The following PCDH15 variants were observed in gnomAD, a reference collection of about 807,000 sequenced individuals.
PCDH15 encodes protocadherin related 15, also known as protocadherin-15.
Under a neutral mutation model 178.5 loss-of-function variants are expected in PCDH15, and 129 were observed. That is an observed-to-expected ratio of 0.72 (90% CI 0.63 to 0.84). PCDH15 has a LOEUF of 0.84. Among genes scored for constraint, PCDH15 ranks in the 40% least tolerant of loss-of-function variants. PCDH15 has a pLI of 0.00. For missense variants in PCDH15, 2,230 were observed against 2,099.9 expected (o/e 1.06, Z -1.21); for synonymous variants, 800 against 732.0 (o/e 1.09, Z -1.50).
chr10:55,524,110 C>G (rs1272982773), intron 2 of PCDH15, among the ~76,000 whole-genome samples: 1 of 151,084 alleles, frequency 6.6e-6, no homozygotes, highest in Non-Finnish European at 1.5e-5. Flanking sequence ...TAATTCAAAG[C>G]TACTTTCTTA....
intron 3 of PCDH15, among the ~76,000 whole-genome samples, chr10:54,871,677 T>A (rs1305260746): frequency 6.6e-6 from 1 of 152,058 alleles, no homozygotes; most frequent in East Asian, 1.9e-4. Flanking sequence ...AGGTTGATTT[T>A]TAATAAAAAA....
At chr10:54,482,224 T>C (rs2136941773) in intron 3 of PCDH15, among the ~76,000 whole-genome samples, 1 of 151,980 alleles carries the variant, frequency 6.6e-6, no homozygotes, top group East Asian at 1.9e-4. Context: ...TGGTTGGAAA[T>C]CTATGCAGTT....
At chr10:54,671,814 T>A (rs1226576814) in intron 1 of PCDH15, among the ~76,000 whole-genome samples, 1 of 152,104 alleles carries the variant, frequency 6.6e-6, no homozygotes, top group Non-Finnish European at 1.5e-5. Context: ...AAGTAGCTCA[T>A]AATGAATCAA....
intron 8 of PCDH15, among the ~76,000 whole-genome samples, chr10:54,274,588 C>T (rs116806388): frequency 0.011 from 1,582 of 148,656 alleles, 28 homozygotes; most frequent in African/African-American, 0.037. Flanking sequence ...GTATAAATGC[C>T]TTTGATTCGA....
intron 1 of PCDH15, among the ~76,000 whole-genome samples, chr10:54,704,876 GTATGTT>G (rs2095350324): frequency 1.3e-5 from 2 of 152,096 alleles, no homozygotes; most frequent in Non-Finnish European, 2.9e-5. Flanking sequence ...ACATGCATGA[GTATGTT>G]CATTGTAGCA....
chr10:54,622,576 TATATATAATATATATA>T (rs1179795886), intron 2 of PCDH15, among the ~76,000 whole-genome samples: 12 of 102,596 alleles, frequency 1.2e-4, no homozygotes, highest in Middle Eastern at 4.1e-3. Flanking sequence ...TGTGTATATA[TATATATAATATATATA>T]ATATATAATA....
At chr10:54,043,802 AC>A (rs764579375) in intron 18 of PCDH15, among the ~76,000 whole-genome samples, 13 of 152,118 alleles carry the variant, frequency 8.5e-5, no homozygotes, top group Non-Finnish European at 1.8e-4. Context: ...CTTCAAAAAA[AC>A]ATACTGATTC....
intron 28 of PCDH15, among the ~76,000 whole-genome samples, chr10:53,851,671 AATATATATAT>A (rs71004485): frequency 0.01 from 1,094 of 104,358 alleles, 8 homozygotes; most frequent in African/African-American, 0.012. Flanking sequence ...TCCTCCTAGA[AATATATATAT>A]ATATATATAT....
intron 2 of PCDH15, among the ~76,000 whole-genome samples, chr10:55,358,400 A>T (rs970051370): frequency 2.0e-5 from 3 of 152,086 alleles, no homozygotes. Context: ...TATTTCAGCA[A>T]ACAATATGCC....
At chr10:55,002,151 G>T (rs1564705163) in intron 2 of PCDH15, among the ~76,000 whole-genome samples, 1 of 152,256 alleles carries the variant, frequency 6.6e-6, no homozygotes, top group African/African-American at 2.4e-5. Flanking sequence ...TAGCTTAAAA[G>T]AAAATATTGT....
chr10:54,084,422 G>A (rs1193239168), intron 16 of PCDH15, among the ~76,000 whole-genome samples: 2 of 151,580 alleles, frequency 1.3e-5, no homozygotes, highest in South Asian at 2.1e-4. Flanking sequence ...GCAGTAAGCC[G>A]AGACCATACC....
intron 25 of PCDH15, among the ~76,000 whole-genome samples, chr10:53,915,953 GA>G (rs1292659440): frequency 1.3e-5 from 2 of 152,130 alleles, no homozygotes; most frequent in Admixed American, 6.5e-5. Context: ...ATCTGTGGGG[GA>G]TTGGTCCCAG....
intron 2 of PCDH15, among the ~76,000 whole-genome samples, chr10:55,379,360 A>G (rs1269389366): frequency 6.6e-6 from 1 of 152,044 alleles, no homozygotes; most frequent in Non-Finnish European, 1.5e-5. Flanking sequence ...ATAATTATTT[A>G]AAGGGTAAAA....
intron 2 of PCDH15, among the ~76,000 whole-genome samples, chr10:55,022,243 A>T (rs570112198): frequency 1.5e-4 from 23 of 152,254 alleles, no homozygotes; most frequent in African/African-American, 5.5e-4. Flanking sequence ...ACTTGAGATC[A>T]GGAGTTCAAG....
At chr10:53,835,579 G>T (rs192595504) in intron 29 of PCDH15, among the ~76,000 whole-genome samples, 12 of 152,182 alleles carry the variant, frequency 7.9e-5, no homozygotes, top group African/African-American at 2.9e-4. Context: ...TTCATGGTGA[G>T]ATGTGACCAT....
chr10:53,823,823 T>C, intron 32 of PCDH15: 1 of 456,244 alleles, frequency 2.2e-6, no homozygotes, highest in Non-Finnish European at 4.4e-6. Flanking sequence ...AAAAGTAATC[T>C]CCTCTCTGAG....
intron 1 of PCDH15, among the ~76,000 whole-genome samples, chr10:54,673,542 G>T (rs1048790332): frequency 6.6e-6 from 1 of 151,992 alleles, no homozygotes; most frequent in Non-Finnish European, 1.5e-5. Flanking sequence ...GGGTTCAAGC[G>T]ATTTTCCTGC....
Position 54,108,253 on chromosome 10 carries a change from AT to A in PCDH15, c.1918-18191del, listed in dbSNP as rs2094952568. 2.0e-5 allele frequency among the ~76,000 whole-genome samples: 3 copies of A among 152,252 alleles called. 1 individual carries two copies. In the South Asian group the frequency reaches 6.2e-4, roughly 32 times the overall value. On this transcript the variant is annotated intron_variant, in intron 15 of 37. Transcript: ENST00000644397. Reference sequence around the variant, plus strand: ...ATGAGGATAGGAAAGAAAGTCTTGAATTGCTGATGCCACCCCTCCCCCATCC... The same window carrying A: ...ATGAGGATAGGAAAGAAAGTCTTGAATGCTGATGCCACCCCTCCCCCATCC...
chr10:54,249,167 G>A (rs1009321450), intron 8 of PCDH15, among the ~76,000 whole-genome samples: 7 of 151,776 alleles, frequency 4.6e-5, no homozygotes, highest in East Asian at 1.9e-4. Flanking sequence ...CTAATTGTCC[G>A]TATATAAACA....
Sources: gnomAD v4.1 joint callset for allele counts (sites outside exome capture counted in the v4.1 genomes callset) on GRCh38, gnomAD v4.1.1 for gene constraint, MANE v1.5 for transcripts, NCBI Gene and HGNC (gene_info 2026-07-23, HGNC 2026-07-21) for gene names.